Variants in SEMA6A observed in about 807,000 individuals in gnomAD.
SEMA6A encodes semaphorin-6A.
A neutral mutation model predicts 96.8 loss-of-function variants in SEMA6A; 25 were observed. The observed-to-expected ratio is 0.26, with a 90% CI of 0.19 to 0.36. The LOEUF is 0.36. SEMA6A is among the 10% of genes least tolerant of loss of function. The pLI is 1.00. For synonymous variants in SEMA6A, 612 were observed against 518.0 expected (o/e 1.18, Z -2.46); for missense variants, 1,363 against 1,323.1 (o/e 1.03, Z -0.47).
intron 1 of SEMA6A, among the ~76,000 whole-genome samples, chr5:116,557,031 C>T (rs1760634529): frequency 6.6e-6 from 1 of 152,204 alleles, no homozygotes; most frequent in African/African-American, 2.4e-5. Flanking sequence ...GTACTTAACA[C>T]CACCATTTAG....
At chr5:116,556,790 A>G (rs1372696923) in intron 1 of SEMA6A, among the ~76,000 whole-genome samples, 1 of 152,220 alleles carries the variant, frequency 6.6e-6, no homozygotes, top group Non-Finnish European at 1.5e-5. Flanking sequence ...TTGGAAAACC[A>G]CTGTTACCAG....
chr5:116,492,015 T>A (rs1757353080), intron 6 of SEMA6A, among the ~76,000 whole-genome samples, 185 bp from the exon 7 acceptor site: 1 of 152,122 alleles, frequency 6.6e-6, no homozygotes, highest in Non-Finnish European at 1.5e-5. Flanking sequence ...AAAACATATT[T>A]TTAGGGGAAA....
At chr5:116,496,131 G>T in intron 5 of SEMA6A, 120 bp downstream of exon 5, 1 of 827,790 alleles carries the variant, frequency 1.2e-6, no homozygotes, top group Non-Finnish European at 2.0e-6. Context: ...GATGAAAAAA[G>T]CAATTACTGA....
In SEMA6A at chr5:116,513,139, T is replaced by C. The variant is rs536461630; in HGVS notation, c.-38-8157A>G. Among the ~76,000 whole-genome samples, 1,428 of 151,696 alleles carry C rather than the reference T, an allele frequency of 9.4e-3. 15 individuals are homozygous for C. The highest frequency in any genetic ancestry group is 0.021 in the Middle Eastern group (6 of 290). On this transcript the variant is annotated intron_variant, in intron 1 of 18. Transcript: ENST00000343348. ...ATAAAGGCAGCTATCTTTTTTTTTTTCCCCCGCGACGGAGTTTCGCTCTTG... is the reference window on the plus strand; with the variant it reads ...ATAAAGGCAGCTATCTTTTTTTTTTCCCCCCGCGACGGAGTTTCGCTCTTG...
At chr5:116,523,477 A>G (rs572651862) in intron 1 of SEMA6A, among the ~76,000 whole-genome samples, 1 of 151,936 alleles carries the variant, frequency 6.6e-6, no homozygotes, top group East Asian at 1.9e-4. Context: ...ATGCCCAGCT[A>G]ATTTTTGTAT....
At chr5:116,457,571 A>G (rs1055129144) in intron 18 of SEMA6A, among the ~76,000 whole-genome samples, 7 of 152,180 alleles carry the variant, frequency 4.6e-5, no homozygotes, top group African/African-American at 1.7e-4. Context: ...ATCTCTTTAC[A>G]AAGATAGTTG....
At chr5:116,479,945 G>A (rs911203690) in intron 12 of SEMA6A, among the ~76,000 whole-genome samples, 177 bp downstream of exon 12, 3 of 152,174 alleles carry the variant, frequency 2.0e-5, no homozygotes, top group Non-Finnish European at 2.9e-5. Flanking sequence ...TTCTCCCTGG[G>A]AATGTGTGTA....
At chr5:116,566,845 T>G (rs1314174112) in intron 1 of SEMA6A, among the ~76,000 whole-genome samples, 3 of 152,174 alleles carry the variant, frequency 2.0e-5, no homozygotes, top group Non-Finnish European at 4.4e-5. Context: ...CCAAATTGAT[T>G]TCAAGCTTGG....
intron 6 of SEMA6A, 48 bp from the exon 7 acceptor site, chr5:116,491,878 G>A (rs908751100): frequency 7.0e-7 from 1 of 1,426,364 alleles, no homozygotes; most frequent in East Asian, 2.3e-5. Flanking sequence ...CTTTTCTTTT[G>A]CCCTAAACCC....
At chr5:116,501,094 T>A (rs1757856146) in intron 3 of SEMA6A, among the ~76,000 whole-genome samples, 1 of 151,878 alleles carries the variant, frequency 6.6e-6, no homozygotes, top group Admixed American at 6.6e-5. Context: ...CAGGGGACAC[T>A]ACAAGATAGT....
chr5:116,479,740 C>A (rs74843657), intron 12 of SEMA6A, among the ~76,000 whole-genome samples: 5,712 of 152,326 alleles, frequency 0.037, 113 homozygotes, highest in African/African-American at 0.05. Context: ...AATCCATGAG[C>A]CATGCTCAGG....
chr5:116,468,687 A>G (rs1755922346), intron 17 of SEMA6A: 1 of 152,200 alleles, frequency 6.6e-6, no homozygotes. Flanking sequence ...TGGCACAATG[A>G]TACCTGTTCT....
intron 1 of SEMA6A, chr5:116,536,346 G>C (rs1190745339): frequency 6.6e-6 from 1 of 152,068 alleles, no homozygotes; most frequent in African/African-American, 2.4e-5. Flanking sequence ...TTCCTGCTTG[G>C]CTGGTTTTAA....
Position 116,456,563 on chromosome 5 carries a change from C to A in SEMA6A, c.1895-8752G>T, listed in dbSNP as rs116915778. 9.6e-3 allele frequency among the ~76,000 whole-genome samples: 1,461 copies of A among 152,292 alleles called. 57 individuals are homozygous for A. Among genetic ancestry groups the A allele is most frequent in the Admixed American group, 0.053 (818 of 15,296 alleles). ...TGCTACTCCTGCAAAAGAATCAACC[C>A]AATTTGCTTGCACCAAAACTGCTGA... is the stretch of plus-strand genomic sequence containing the variant. On this transcript the variant is annotated intron_variant, in intron 18 of 18. Transcript: ENST00000343348.
intron 18 of SEMA6A, among the ~76,000 whole-genome samples, chr5:116,454,804 G>GTGTGTT (rs1223966864): frequency 6.6e-6 from 1 of 150,476 alleles, no homozygotes; most frequent in Non-Finnish European, 1.5e-5. Flanking sequence ...GTGTGTGTGT[G>GTGTGTT]TGTGTGCATG....
At chr5:116,460,975 A>G (rs1045504408) in intron 18 of SEMA6A, among the ~76,000 whole-genome samples, 6 of 152,126 alleles carry the variant, frequency 3.9e-5, no homozygotes, top group Non-Finnish European at 7.4e-5. Flanking sequence ...CTCTCTAAAA[A>G]TTAAACTTTT....
At chr5:116,513,597 TTTTC>T (rs1237266251) in intron 1 of SEMA6A, among the ~76,000 whole-genome samples, 37 of 139,140 alleles carry the variant, frequency 2.7e-4, no homozygotes, top group African/African-American at 9.5e-4. Flanking sequence ...TTCCTCTTGA[TTTTC>T]TTTTTTTTTT....
rs963898944 is a variant in SEMA6A at position 116,486,675 on chromosome 5, T to C, written c.962+74A>G. On this transcript the variant is annotated intron_variant, in intron 10 of 18. Transcript: ENST00000343348. Reference sequence around the variant, plus strand: ...TTTTCAGTCAGTTGCAAATATGGTTTATTAGAAGAGAACCCCCTGGGAGAA... The same window carrying C: ...TTTTCAGTCAGTTGCAAATATGGTTCATTAGAAGAGAACCCCCTGGGAGAA... 4 of 1,231,008 alleles carry C rather than the reference T, an allele frequency of 3.2e-6. No individual in the cohort carries two copies. In the South Asian group the frequency reaches 5.2e-5, roughly 16 times the overall value. The allele number at this position is 1,231,008 out of a possible 1,614,324, so 76.3% of individuals were successfully genotyped here. A position where few individuals can be genotyped will look rare whatever the true frequency, so the allele number is the denominator to read the frequency against.
chr5:116,571,558 G>C (rs1454115217), intron 1 of SEMA6A, among the ~76,000 whole-genome samples: 1 of 152,150 alleles, frequency 6.6e-6, no homozygotes, highest in Non-Finnish European at 1.5e-5. Flanking sequence ...CCTCATTCAA[G>C]AACGTCCCAA....
Sources: allele counts gnomAD v4.1 joint callset (sites outside exome capture counted in the v4.1 genomes callset), GRCh38; gene constraint gnomAD v4.1.1; transcripts MANE v1.5; gene names NCBI Gene and HGNC (gene_info 2026-07-23, HGNC 2026-07-21).